The following HAS2 variants were observed in gnomAD, a reference collection of about 807,000 sequenced individuals.
HAS2 encodes HA synthase 2.
Under a neutral mutation model 51.6 loss-of-function variants are expected in HAS2, and 16 were observed. That is an observed-to-expected ratio of 0.31 (90% CI 0.21 to 0.47). HAS2 has a LOEUF of 0.47. Among genes scored for constraint, HAS2 ranks in the 20% least tolerant of loss-of-function variants. The pLI, the probability that HAS2 is intolerant of heterozygous loss-of-function variation, is 1.00. For synonymous variants in HAS2, 228 were observed against 235.5 expected, an observed-to-expected ratio of 0.97 and a Z score of 0.29; for missense variants, 361 against 662.6, an observed-to-expected ratio of 0.54 and a Z score of 5.00.
At chr8:121,623,493 G>A (rs192283881) in intron 2 of HAS2, among the ~76,000 whole-genome samples, 1 of 152,204 alleles carries the variant, frequency 6.6e-6, no homozygotes, top group Admixed American at 6.5e-5. Flanking sequence ...CAATCTGGGG[G>A]GAAAAGGCAG....
rs1240320617 is a variant in HAS2, at chr8:121,641,182, G to GTTTTTTTT, written c.-331_-330insAAAAAAAA. On this transcript the variant is annotated 5_prime_UTR_variant, in exon 1 of 4. Coordinates refer to ENST00000303924, the MANE Select transcript of HAS2 (RefSeq NM_005328.3). ...TCTTTTTTTTTTTTTTTTTTTTTTG[G>GTTTTTTTT]GCTTCAGTCTTTCTGCCCCCGATAA... 2.0e-5 allele frequency: 1 copy of GTTTTTTTT among 48,846 alleles called. No individual in the cohort carries two copies. Among genetic ancestry groups the GTTTTTTTT allele is most frequent in the African/African-American group, 8.5e-5 (1 of 11,720 alleles). The allele number at this position is 48,846 out of a possible 1,614,324, so 3.0% of individuals were successfully genotyped here. A position where few individuals can be genotyped will look rare whatever the true frequency, so the allele number is the denominator to read the frequency against.
At chr8:121,634,675 C>T (rs113992591) in intron 1 of HAS2, among the ~76,000 whole-genome samples, 109 of 151,960 alleles carry the variant, frequency 7.2e-4, no homozygotes, top group African/African-American at 2.5e-3. Flanking sequence ...ACAGGTCCTA[C>T]CCCAATCTTT....
intron 1 of HAS2, among the ~76,000 whole-genome samples, chr8:121,637,390 C>CTT (rs397728062): frequency 0.015 from 1,919 of 130,742 alleles, 117 homozygotes; most frequent in African/African-American, 0.044. Flanking sequence ...TCAAAATAGA[C>CTT]TTTTTTTTTT....
chr8:121,623,875 C>T (rs1353426996), intron 2 of HAS2, among the ~76,000 whole-genome samples: 3 of 152,146 alleles, frequency 2.0e-5, no homozygotes, highest in Non-Finnish European at 4.4e-5. Flanking sequence ...CTCAGGCTTT[C>T]TATACAGAAC....
At chr8:121,638,364 A>C (rs1813041646) in intron 1 of HAS2, among the ~76,000 whole-genome samples, 1 of 152,196 alleles carries the variant, frequency 6.6e-6, no homozygotes. Context: ...GTTTAATGCT[A>C]GTCACTGATT....
chr8:121,625,449 C>G (rs995563106), intron 2 of HAS2, among the ~76,000 whole-genome samples: 1 of 151,726 alleles, frequency 6.6e-6, no homozygotes, highest in African/African-American at 2.4e-5. Flanking sequence ...CAAAGTTTCT[C>G]TAGAAAATAC....
At chr8:121,622,296 C>T (rs1160718482) in intron 2 of HAS2, among the ~76,000 whole-genome samples, 1 of 152,076 alleles carries the variant, frequency 6.6e-6, no homozygotes, top group African/African-American at 2.4e-5. Flanking sequence ...AGCAAACACA[C>T]TACTGAAACA....
intron 1 of HAS2, 150 bp downstream of exon 1, chr8:121,640,703 C>T (rs1221295168): frequency 6.6e-6 from 1 of 152,160 alleles, no homozygotes; most frequent in African/African-American, 2.4e-5. Context: ...GAAATATTCC[C>T]TGATCTTCAG....
At chr8:121,633,582 T>A (rs1027899085) in intron 1 of HAS2, among the ~76,000 whole-genome samples, 3 of 152,230 alleles carry the variant, frequency 2.0e-5, no homozygotes, top group Non-Finnish European at 4.4e-5. Context: ...GAAAAGTGGT[T>A]GTTTCAAAGG....
At chr8:121,621,281 G>A (rs1477082863) in intron 2 of HAS2, among the ~76,000 whole-genome samples, 1 of 152,160 alleles carries the variant, frequency 6.6e-6, no homozygotes, top group Non-Finnish European at 1.5e-5. Context: ...CTGAAGTGTA[G>A]GATATTAAAA....
Position 121,617,112 on chromosome 8 carries a change from T to C in HAS2, c.722A>G (p.Asp241Gly). Residue 241 changes from aspartate (D) to glycine (G), a missense_variant, in exon 3 of 4, where the codon GAT becomes GGT. Around this residue, in one of 5 missense-constraint regions of HAS2, gnomAD observed 49 missense variants for 108.3 expected, o/e 0.45. Transcript: ENST00000303924. ...AAAAGTGAAGCCATGTACCTGGACATCTCCCCCAACACCTCCAACCATGGG... is the reference window on the plus strand; with the variant it reads ...AAAAGTGAAGCCATGTACCTGGACACCTCCCCCAACACCTCCAACCATGGG... Reference protein sequence around the residue: ...EDPMVGGVGGDVQILNKYDSW... With the variant: ...EDPMVGGVGGGVQILNKYDSW... 6.3e-7 allele frequency: 1 copy of C among 1,580,566 alleles called. No homozygotes were observed. Among genetic ancestry groups the C allele is most frequent in the Admixed American group, 1.7e-5 (1 of 59,740 alleles).
At position 121,613,488 on chromosome 8, in the gene HAS2, A is replaced by T. The variant is rs1812663319; in HGVS notation, c.*621T>A. 1 of 152,574 alleles carries T rather than the reference A, an allele frequency of 6.6e-6. No individual in the cohort carries two copies. Among genetic ancestry groups the T allele is most frequent in the South Asian group, 2.1e-4 (1 of 4,834 alleles). 9.5% of individuals were successfully genotyped at this position (152,574 alleles called of 1,614,324 possible). On this transcript the variant is annotated 3_prime_UTR_variant, in exon 4 of 4. Coordinates refer to ENST00000303924, the MANE Select transcript of HAS2 (RefSeq NM_005328.3). ...TTTGGGCAGGATTTTTTAAGTATAA[A>T]TTTTTTAAGAACTTATTTTATTTTA...
rs1382088237 is a variant in HAS2, at chr8:121,612,211, T to G, written c.*1898A>C. The G allele has an allele frequency of 6.6e-6, 1 of 152,212 alleles. No individual in the cohort carries two copies. Among genetic ancestry groups the G allele is most frequent in the Non-Finnish European group, 1.5e-5 (1 of 68,032 alleles). 9.4% of individuals were successfully genotyped at this position (152,212 alleles called of 1,614,324 possible). A position where few individuals can be genotyped will look rare whatever the true frequency, so the allele number is the denominator to read the frequency against. On this transcript the variant is annotated 3_prime_UTR_variant, in exon 4 of 4. Coordinates refer to ENST00000303924, the MANE Select transcript of HAS2 (RefSeq NM_005328.3). ...AATTGCTAAAATAAATACAGGCAAT[T>G]AATTCAACTTTTTATAAGAATGAGA...
chr8:121,634,065 C>G (rs1265864547), intron 1 of HAS2, among the ~76,000 whole-genome samples: 1 of 152,104 alleles, frequency 6.6e-6, no homozygotes, highest in Non-Finnish European at 1.5e-5. Flanking sequence ...CATGTGCCAC[C>G]ACGCCTGGCT....
rs1563625927 is a variant in HAS2 at position 121,640,900 on chromosome 8, TC to T, written c.-49del. On this transcript the variant is annotated 5_prime_UTR_variant, in exon 1 of 4. Transcript: ENST00000303924. ...AGTCGTCCTCAGCCTGTCTGTGTGG[TC>T]CCGGAGGGTCGGTGGCGGGCAGTTT... The T allele has an allele frequency of 6.6e-6, 1 of 151,990 alleles. No individual in the cohort carries two copies. The highest frequency in any genetic ancestry group is 1.5e-5 in the Non-Finnish European group (1 of 68,022). 9.4% of individuals were successfully genotyped at this position (151,990 alleles called of 1,614,324 possible).
chr8:121,638,012 G>A (rs1390033475), intron 1 of HAS2, among the ~76,000 whole-genome samples: 4 of 151,036 alleles, frequency 2.6e-5, no homozygotes, highest in Non-Finnish European at 4.4e-5. Context: ...GAAAGTAAAT[G>A]TGTAATATAG....
In HAS2 at chr8:121,625,610, C is replaced by T. The variant is rs148160763; in HGVS notation, c.627+3104G>A. Among the ~76,000 whole-genome samples, 796 of 150,520 alleles carry T rather than the reference C, an allele frequency of 5.3e-3. 12 individuals carry two copies. The highest frequency in any genetic ancestry group is 0.019 in the African/African-American group (772 of 40,916). On this transcript the variant is annotated intron_variant, in intron 2 of 3. Transcript: ENST00000303924. ...TAGTACAGCCTGGACCTCCCAGGCTCTAGCAATCCTACCTCAGCCTTCCGA... is the reference window on the plus strand; with the variant it reads ...TAGTACAGCCTGGACCTCCCAGGCTTTAGCAATCCTACCTCAGCCTTCCGA...
Position 121,614,868 on chromosome 8 carries a change from G to A in HAS2, c.900C>T (p.Tyr300=). 1 of 1,614,134 alleles carries A rather than the reference G, an allele frequency of 6.2e-7. No homozygotes were observed. Residue 300 remains tyrosine (Y), a synonymous_variant, in exon 4 of 4, where the codon TAC becomes TAT. Transcript: ENST00000303924. This position sits in a 1 kb window ranked among gnomAD's most constrained non-coding sequence, Gnocchi z 7.2. ...SLLHEFVEDW[Y]NQEFMGNQCS... ...ATTGGTTGCCCATAAATTCTTGATT[G>A]TACCAATCTTCCACAAACTCATGCA... is the stretch of plus-strand genomic sequence containing the variant.
intron 1 of HAS2, among the ~76,000 whole-genome samples, chr8:121,635,428 C>T (rs1812995768): frequency 6.6e-6 from 1 of 152,150 alleles, no homozygotes; most frequent in South Asian, 2.1e-4. Context: ...CCTAATAACC[C>T]TGACTCTCCT....
Sources: allele counts gnomAD v4.1 joint callset (sites outside exome capture counted in the v4.1 genomes callset), GRCh38; gene constraint gnomAD v4.1.1; regional missense constraint gnomAD v4.1.1; non-coding constraint Gnocchi (gnomAD v3.1); transcripts MANE v1.5; gene names NCBI Gene and HGNC (gene_info 2026-07-23, HGNC 2026-07-21).